PPP1R1C: variants seen among roughly 807,000 people sequenced by gnomAD.
The protein encoded by PPP1R1C is protein phosphatase 1 regulatory subunit 1C.
PPP1R1C carries 15 observed loss-of-function variants against 17.4 expected under a neutral mutation model. The observed-to-expected ratio is 0.86, with a 90% CI of 0.58 to 1.33. PPP1R1C has a LOEUF of 1.33. Among genes scored for constraint, PPP1R1C ranks in the 40% most tolerant of loss-of-function variants. PPP1R1C has a pLI of 0.00. For synonymous variants in PPP1R1C, 35 were observed against 43.1 expected, an observed-to-expected ratio of 0.81 and a Z score of 0.73; for missense variants, 143 against 130.0, an observed-to-expected ratio of 1.10 and a Z score of -0.48.
At chr2:182,004,749 C>T (rs1685867172) in intron 2 of PPP1R1C, among the ~76,000 whole-genome samples, 1 of 152,202 alleles carries the variant, frequency 6.6e-6, no homozygotes, top group South Asian at 2.1e-4. Flanking sequence ...CTCACATGCT[C>T]ATTTTTTATT....
In PPP1R1C at chr2:182,061,666, C is replaced by G. The variant is rs12185669; in HGVS notation, c.180+187C>G. ...CCTCTCAGTTACCTTTATTCTCTACCTATGTAATGCTAACCCCTGAAAAAA... is the reference window on the plus strand; with the variant it reads ...CCTCTCAGTTACCTTTATTCTCTACGTATGTAATGCTAACCCCTGAAAAAA... On this transcript the variant is annotated intron_variant, in intron 3 of 4. Coordinates refer to ENST00000682840, the MANE Select transcript of PPP1R1C (RefSeq NM_001080545.3). Among the ~76,000 whole-genome samples the G allele has an allele frequency of 0.13, 20,045 of 152,040 alleles. 1,869 individuals carry two copies. The highest frequency in any genetic ancestry group is 0.2 in the Non-Finnish European group (13,692 of 67,946).
rs1684927430 is a variant in PPP1R1C, at chr2:181,967,650, TC to T, written n.112-7566del. 6.6e-6 allele frequency among the ~76,000 whole-genome samples: 1 copy of T among 152,014 alleles called. No homozygotes were observed. Among genetic ancestry groups the T allele is most frequent in the South Asian group, 2.1e-4 (1 of 4,822 alleles). On this transcript the variant is annotated intron_variant and non_coding_transcript_variant, in intron 1 of 5. Transcript: ENST00000464264. The surrounding 1 kb of genome is among the most constrained non-coding windows in gnomAD (Gnocchi z 5.5). The stretch of plus-strand genomic sequence containing the variant: ...TTATCAATTTTCCTTCCTTCCTTCC[TC>T]CCTCCCTCCCTCCTTCTCTCTCTCT...
chr2:182,077,881 T>A (rs774216931), intron 4 of PPP1R1C, among the ~76,000 whole-genome samples: 1 of 152,182 alleles, frequency 6.6e-6, no homozygotes, highest in Non-Finnish European at 1.5e-5. Flanking sequence ...GAAAATAATG[T>A]TTAAGAAGTG....
At chr2:182,122,904 G>A (rs999378895) in intron 5 of PPP1R1C, among the ~76,000 whole-genome samples, 5 of 151,972 alleles carry the variant, frequency 3.3e-5, no homozygotes, top group African/African-American at 9.7e-5. Context: ...TGTGCAGAAC[G>A]TACAGGTTTG....
At chr2:181,981,809 G>T (rs1008118008), upstream of PPP1R1C, among the ~76,000 whole-genome samples, 1 of 152,198 alleles carries the variant, frequency 6.6e-6, no homozygotes, top group African/African-American at 2.4e-5. Context: ...AAATGTGACT[G>T]CCAGCATTTG....
intron 4 of PPP1R1C, among the ~76,000 whole-genome samples, chr2:182,114,594 A>T (rs568006652): frequency 6.6e-6 from 1 of 152,276 alleles, no homozygotes; most frequent in African/African-American, 2.4e-5. Context: ...TTCAAGGCAC[A>T]CATCAACCAA....
At chr2:182,076,036 T>A (rs921140551) in intron 4 of PPP1R1C, among the ~76,000 whole-genome samples, 3 of 151,968 alleles carry the variant, frequency 2.0e-5, no homozygotes, top group Admixed American at 1.3e-4. Flanking sequence ...TATTATTTTA[T>A]CTTTAAGTTT....
chr2:182,019,737 G>A (rs1206980267), intron 2 of PPP1R1C, among the ~76,000 whole-genome samples: 1 of 152,158 alleles, frequency 6.6e-6, no homozygotes, highest in Admixed American at 6.6e-5. Context: ...CACAAATCCA[G>A]TGTTCTTAAA....
At chr2:181,969,181 C>T (rs917832758) in intron 1 of PPP1R1C, among the ~76,000 whole-genome samples, 5 of 152,230 alleles carry the variant, frequency 3.3e-5, no homozygotes, top group African/African-American at 1.2e-4. Flanking sequence ...TTTCTGTGTA[C>T]TATTACCAGT....
At chr2:182,088,579 A>G (rs1426719725) in intron 4 of PPP1R1C, among the ~76,000 whole-genome samples, 5 of 152,210 alleles carry the variant, frequency 3.3e-5, no homozygotes, top group Admixed American at 2.6e-4. Flanking sequence ...GGCTGTAACC[A>G]AGGAATACAT....
At chr2:182,076,178 G>T (rs1305407606) in intron 4 of PPP1R1C, among the ~76,000 whole-genome samples, 3 of 64,276 alleles carry the variant, frequency 4.7e-5, no homozygotes, top group African/African-American at 6.6e-5. Flanking sequence ...CAAGGATTTT[G>T]AACTTTTTTT....
chr2:182,001,536 T>C (rs1334433765), intron 2 of PPP1R1C, among the ~76,000 whole-genome samples: 1 of 152,128 alleles, frequency 6.6e-6, no homozygotes, highest in Admixed American at 6.6e-5. Flanking sequence ...TCTGTCCTAC[T>C]GGATGGTCAT....
intron 4 of PPP1R1C, among the ~76,000 whole-genome samples, chr2:182,104,847 T>C (rs572152625): frequency 6.6e-6 from 1 of 152,330 alleles, no homozygotes; most frequent in African/African-American, 2.4e-5. Context: ...ATTAGTTGTT[T>C]AAATGTTTGG....
intron 4 of PPP1R1C, among the ~76,000 whole-genome samples, chr2:182,101,116 C>G (rs1401228403): frequency 6.6e-6 from 1 of 152,176 alleles, no homozygotes; most frequent in Non-Finnish European, 1.5e-5. Context: ...GAGAAATAAA[C>G]AAGCCTTCCT....
intron 2 of PPP1R1C, among the ~76,000 whole-genome samples, chr2:182,054,018 A>G (rs1427078852): frequency 6.6e-6 from 1 of 151,894 alleles, no homozygotes; most frequent in Non-Finnish European, 1.5e-5. Flanking sequence ...AGATTCTTTA[A>G]TCTCTTCCTT....
chr2:182,103,001 G>A (rs1043746975), intron 4 of PPP1R1C, among the ~76,000 whole-genome samples: 18 of 151,820 alleles, frequency 1.2e-4, no homozygotes, highest in African/African-American at 4.1e-4. Flanking sequence ...ATGGGGTTTC[G>A]CCATGTTGCC....
intron 4 of PPP1R1C, among the ~76,000 whole-genome samples, chr2:182,096,297 A>G (rs1174481771): frequency 6.6e-6 from 1 of 152,152 alleles, no homozygotes; most frequent in Non-Finnish European, 1.5e-5. Context: ...TGAGGGTCAT[A>G]TGACCCTACT....
chr2:181,974,254 T>G (rs998487139), intron 1 of PPP1R1C, among the ~76,000 whole-genome samples: 12 of 152,154 alleles, frequency 7.9e-5, no homozygotes, highest in African/African-American at 2.9e-4. Flanking sequence ...TTGTGAATAT[T>G]AATTAAAATA....
chr2:182,117,264 C>A lies in PPP1R1C; in HGVS notation c.299C>A (p.Thr100Asn). The change falls in exon 5 of 5, where the codon ACC becomes AAC. Residue 100 changes from threonine (T) to asparagine (N), a missense_variant. Physicochemically the swap from Thr to Asn is moderately conservative, Grantham distance 65. Coordinates refer to ENST00000682840, the MANE Select transcript of PPP1R1C (RefSeq NM_001080545.3). ...ESAFPEEEEG[T>N]NEREEQRDH ...GCATTCCCTGAAGAAGAAGAAGGCA[C>A]CAATGAAAGAGAGGAGCAGCGGGAC... is the stretch of plus-strand genomic sequence containing the variant. 6.4e-7 allele frequency: 1 copy of A among 1,564,218 alleles called. No homozygotes were observed. The highest frequency in any genetic ancestry group is 8.7e-7 in the Non-Finnish European group (1 of 1,153,868).
Sources: allele counts gnomAD v4.1 joint callset (sites outside exome capture counted in the v4.1 genomes callset), GRCh38; gene constraint gnomAD v4.1.1; non-coding constraint Gnocchi (gnomAD v3.1); transcripts MANE v1.5; gene names NCBI Gene and HGNC (gene_info 2026-07-23, HGNC 2026-07-21).